Variants in PDS5B observed in about 807,000 individuals in gnomAD.
The protein encoded by PDS5B is sister chromatid cohesion protein PDS5 homolog B.
Under a neutral mutation model 184.1 loss-of-function variants are expected in PDS5B, and 51 were observed. The observed-to-expected ratio is 0.28, with a 90% CI of 0.22 to 0.35. The LOEUF is 0.35. PDS5B is among the 10% of genes least tolerant of loss of function. The pLI is 1.00. For missense variants in PDS5B, 1,180 were observed against 1,723.3 expected, an observed-to-expected ratio of 0.68 and a Z score of 5.58; for synonymous variants, 566 against 569.2, an observed-to-expected ratio of 0.99 and a Z score of 0.08.
intron 19 of PDS5B, among the ~76,000 whole-genome samples, chr13:32,717,674 C>T (rs1257852341): frequency 7.9e-6 from 1 of 126,620 alleles, no homozygotes; most frequent in Non-Finnish European, 1.6e-5. Context: ...GAGAAACACC[C>T]AAGAATGATC....
chr13:32,648,619 T>C (rs1352832317), intron 1 of PDS5B, 135 bp from the exon 2 acceptor site: 1 of 545,136 alleles, frequency 1.8e-6, no homozygotes, highest in Non-Finnish European at 3.3e-6. Flanking sequence ...GTGATTTTCA[T>C]TAAATGGTAA....
intron 1 of PDS5B, among the ~76,000 whole-genome samples, chr13:32,592,160 A>G (rs1413070591): frequency 1.3e-5 from 2 of 152,086 alleles, no homozygotes; most frequent in Admixed American, 6.5e-5. Flanking sequence ...ATTTTTATTC[A>G]TACTGTCATT....
chr13:32,655,008 T>A (rs2140679701), intron 3 of PDS5B, among the ~76,000 whole-genome samples: 1 of 152,294 alleles, frequency 6.6e-6, no homozygotes, highest in East Asian at 1.9e-4. Context: ...TGCGTCTTTA[T>A]GGTAGAATGA....
chr13:32,739,975 A>T (rs1162752388), intron 21 of PDS5B, among the ~76,000 whole-genome samples: 2 of 151,970 alleles, frequency 1.3e-5, no homozygotes, highest in East Asian at 3.9e-4. Context: ...TTTCTTATTT[A>T]TGTAAGGTTT....
At chr13:32,599,388 C>T (rs965355170) in intron 1 of PDS5B, among the ~76,000 whole-genome samples, 41 of 151,942 alleles carry the variant, frequency 2.7e-4, no homozygotes, top group African/African-American at 6.0e-4. Context: ...CTCAGCCTCC[C>T]GAGTAAGCTG....
intron 9 of PDS5B, 48 bp downstream of exon 9, chr13:32,676,007 A>G: frequency 9.6e-7 from 1 of 1,040,608 alleles, no homozygotes; most frequent in South Asian, 1.4e-5. Flanking sequence ...TATTCTACTG[A>G]CCGTTTTTTT....
chr13:32,655,369 TA>T (rs1566290512), intron 3 of PDS5B, among the ~76,000 whole-genome samples: 54 of 39,898 alleles, frequency 1.4e-3, no homozygotes, highest in Middle Eastern at 0.011. Flanking sequence ...CATATATATA[TA>T]TATATTTTTT....
intron 24 of PDS5B, among the ~76,000 whole-genome samples, chr13:32,747,170 C>G (rs947893393): frequency 6.6e-6 from 1 of 152,140 alleles, no homozygotes; most frequent in African/African-American, 2.4e-5. Flanking sequence ...TCTTTAGCAT[C>G]ATTGAGAAAA....
intron 12 of PDS5B, among the ~76,000 whole-genome samples, chr13:32,688,201 G>A (rs754045285): frequency 1.3e-5 from 2 of 152,034 alleles, no homozygotes; most frequent in African/African-American, 2.4e-5. Flanking sequence ...AAAATCCCTG[G>A]TACATAATGT....
chr13:32,650,093 G>A (rs1373058005), intron 2 of PDS5B: 1 of 152,108 alleles, frequency 6.6e-6, no homozygotes, highest in African/African-American at 2.4e-5. Flanking sequence ...TTTTAGAGAT[G>A]TTATTTTCTC....
intron 17 of PDS5B, among the ~76,000 whole-genome samples, chr13:32,703,704 A>G (rs1407518528): frequency 2.0e-5 from 3 of 152,180 alleles, no homozygotes; most frequent in South Asian, 4.1e-4. Context: ...TTAGTCCCCT[A>G]TAGTAGTCAG....
chr13:32,732,096 A>G lies in PDS5B; in HGVS notation c.2124-5A>G. The G allele has an allele frequency of 6.3e-7, 1 of 1,596,582 alleles. No homozygotes were observed. Reference sequence around the variant, plus strand: ...TATTGTTTTTCTTTGATTTTTTTTTAATAGAGCCTTGCTTCCTGTTTTACA... The same window carrying G: ...TATTGTTTTTCTTTGATTTTTTTTTGATAGAGCCTTGCTTCCTGTTTTACA... On this transcript the variant is annotated splice_region_variant and splice_polypyrimidine_tract_variant and intron_variant, in intron 19 of 34. Coordinates refer to ENST00000315596, the MANE Select transcript of PDS5B (RefSeq NM_015032.4).
chr13:32,696,581 C>T (rs1425081602), intron 14 of PDS5B, among the ~76,000 whole-genome samples: 1 of 151,646 alleles, frequency 6.6e-6, no homozygotes, highest in African/African-American at 2.4e-5. Context: ...AAATACGTAC[C>T]TGTTACAAAA....
At chr13:32,713,153 ACTAC>A (rs1172979503) in intron 19 of PDS5B, among the ~76,000 whole-genome samples, 1 of 152,226 alleles carries the variant, frequency 6.6e-6, no homozygotes, top group Non-Finnish European at 1.5e-5. Context: ...AAAAGGACTT[ACTAC>A]CTTTAGTCCT....
intron 1 of PDS5B, among the ~76,000 whole-genome samples, chr13:32,604,235 T>G (rs1161699904): frequency 2.0e-5 from 3 of 152,222 alleles, no homozygotes; most frequent in African/African-American, 7.2e-5. Context: ...CTCTTCTTAT[T>G]GTGAGATACG....
chr13:32,730,564 C>T (rs1163698698), intron 19 of PDS5B, among the ~76,000 whole-genome samples: 1 of 152,102 alleles, frequency 6.6e-6, no homozygotes, highest in Non-Finnish European at 1.5e-5. Flanking sequence ...GACATTGGTT[C>T]TTCCTATCCA....
intron 17 of PDS5B, among the ~76,000 whole-genome samples, chr13:32,704,378 A>G (rs1951946901): frequency 6.6e-6 from 1 of 152,192 alleles, no homozygotes; most frequent in Non-Finnish European, 1.5e-5. Context: ...CGTGTTGCCC[A>G]GGCTTGTCTT....
chr13:32,775,673 C>G lies in PDS5B; in HGVS notation c.*621C>G. 2.2e-6 allele frequency: 1 copy of G among 456,192 alleles called. No homozygotes were observed. Among genetic ancestry groups the G allele is most frequent in the South Asian group, 1.6e-5 (1 of 64,514 alleles). 28.3% of individuals were successfully genotyped at this position (456,192 alleles called of 1,614,324 possible). On this transcript the variant is annotated 3_prime_UTR_variant, in exon 35 of 35. Transcript: ENST00000315596. Reference sequence around the variant, plus strand: ...AGGATGCCTCTGATAGGAGGACAACCATGCAAATTGTGAAATAGTCCTGAA... The same window carrying G: ...AGGATGCCTCTGATAGGAGGACAACGATGCAAATTGTGAAATAGTCCTGAA...
chr13:32,717,079 C>G (rs1371431828), intron 19 of PDS5B, among the ~76,000 whole-genome samples: 1 of 150,342 alleles, frequency 6.7e-6, no homozygotes, highest in Non-Finnish European at 1.5e-5. Context: ...GGGGGTCAGC[C>G]CCCCGCCCGG....
Sources: allele counts gnomAD v4.1 joint callset (sites outside exome capture counted in the v4.1 genomes callset), GRCh38; gene constraint gnomAD v4.1.1; transcripts MANE v1.5; gene names NCBI Gene and HGNC (gene_info 2026-07-23, HGNC 2026-07-21).